LRRK1: variants seen among roughly 807,000 people sequenced by gnomAD.
LRRK1 encodes the protein leucine rich repeat kinase 1, also known as leucine-rich repeat serine/threonine-protein kinase 1.
LRRK1 carries 113 observed loss-of-function variants against 209.1 expected under a neutral mutation model. That is an observed-to-expected ratio of 0.54 (90% CI 0.46 to 0.63). The LOEUF (loss-of-function observed/expected upper bound fraction) is 0.63. Ranked by LOEUF, LRRK1 falls within the 30% of genes least tolerant of loss-of-function variation. The pLI is 0.00. For missense variants in LRRK1, 2,284 were observed against 2,632.2 expected, an observed-to-expected ratio of 0.87 and a Z score of 2.89; for synonymous variants, 1,144 against 1,099.7, an observed-to-expected ratio of 1.04 and a Z score of -0.80.
intron 6 of LRRK1, among the ~76,000 whole-genome samples, chr15:101,004,236 A>G (rs990598639): frequency 6.6e-6 from 1 of 152,188 alleles, no homozygotes; most frequent in African/African-American, 2.4e-5. Flanking sequence ...GGGAGAAGCT[A>G]TGAAAGAGGC....
Position 101,076,321 on chromosome 15 carries a change from CCGG to C in LRRK1, c.*7475_*7477del, listed in dbSNP as rs2036986817. 6.6e-6 allele frequency: 1 copy of C among 152,154 alleles called. No individual in the cohort carries two copies. 9.4% of individuals were successfully genotyped at this position (152,154 alleles called of 1,614,324 possible). A position where few individuals can be genotyped will look rare whatever the true frequency, so the allele number is the denominator to read the frequency against. ...ACCTGACATATATACTTTCTGCTCC[CCGG>C]CTCCTTCAGCTGTACTCACTCTTTA... On this transcript the variant is annotated 3_prime_UTR_variant, in exon 34 of 34. Coordinates refer to ENST00000388948, the MANE Select transcript of LRRK1 (RefSeq NM_024652.6).
chr15:100,926,372 G>A (rs1567182219), intron 2 of LRRK1, among the ~76,000 whole-genome samples: 1 of 152,140 alleles, frequency 6.6e-6, no homozygotes, highest in Non-Finnish European at 1.5e-5. Context: ...TCGCAGCCCT[G>A]AGGGACGAGG....
intron 12 of LRRK1, among the ~76,000 whole-genome samples, chr15:101,016,755 C>T (rs930206445): frequency 3.3e-5 from 5 of 152,178 alleles, no homozygotes; most frequent in Admixed American, 2.6e-4. Context: ...CCAGCAGCTA[C>T]GTGCTGTTAA....
At position 101,053,404 on chromosome 15, in the gene LRRK1, G is replaced by A. The variant is rs762265825; in HGVS notation, c.4038G>A (p.Leu1346=). 8.8e-6 allele frequency: 14 copies of A among 1,595,496 alleles called. No homozygotes were observed. The highest frequency in any genetic ancestry group is 1.0e-5 in the Non-Finnish European group (12 of 1,177,404). Reference sequence around the variant, plus strand: ...CGCTCAGCAGCCTCAACACCGTGCTGTCCGAGAACGCCAGAGGTACCGCGG... The same window carrying A: ...CGCTCAGCAGCCTCAACACCGTGCTATCCGAGAACGCCAGAGGTACCGCGG... ...LAPLSSLNTV[L]SENARDSSFI... The change falls in exon 26 of 34, where the codon CTG becomes CTA. Residue 1346 remains leucine (L), a synonymous_variant. Coordinates refer to ENST00000388948, the MANE Select transcript of LRRK1 (RefSeq NM_024652.6).
intron 9 of LRRK1, 41 bp downstream of exon 9, chr15:101,010,878 C>A: frequency 6.3e-7 from 1 of 1,582,638 alleles, no homozygotes; most frequent in South Asian, 1.1e-5. Context: ...ACAGTCAACT[C>A]TGCCTCTCAG....
At chr15:101,013,306 G>A (rs967061907) in intron 10 of LRRK1, among the ~76,000 whole-genome samples, 2 of 152,226 alleles carry the variant, frequency 1.3e-5, no homozygotes, top group Non-Finnish European at 2.9e-5. Flanking sequence ...GCACCAGGAG[G>A]AGAGAATTTA....
intron 23 of LRRK1, among the ~76,000 whole-genome samples, chr15:101,050,239 C>T (rs1038834220): frequency 6.6e-6 from 1 of 152,228 alleles, no homozygotes; most frequent in African/African-American, 2.4e-5. Context: ...CCTCCCCTGC[C>T]ACCCCACCCA....
At chr15:100,972,625 G>A (rs1045554545) in intron 2 of LRRK1, among the ~76,000 whole-genome samples, 4 of 152,078 alleles carry the variant, frequency 2.6e-5, no homozygotes, top group Admixed American at 6.6e-5. Flanking sequence ...TTTAGTAGTC[G>A]GACTTGTAGA....
At chr15:100,969,858 G>T (rs995831548) in intron 2 of LRRK1, among the ~76,000 whole-genome samples, 1 of 151,438 alleles carries the variant, frequency 6.6e-6, no homozygotes, top group African/African-American at 2.4e-5. Context: ...GTATTCTATG[G>T]TGTATATATG....
chr15:100,944,153 T>C (rs1191918577), intron 2 of LRRK1, among the ~76,000 whole-genome samples: 3 of 152,210 alleles, frequency 2.0e-5, no homozygotes, highest in Non-Finnish European at 4.4e-5. Flanking sequence ...ATGGAGCTTC[T>C]TGCTTTAATA....
At chr15:101,013,215 A>G (rs907312520) in intron 10 of LRRK1, among the ~76,000 whole-genome samples, 3 of 152,082 alleles carry the variant, frequency 2.0e-5, no homozygotes, top group Non-Finnish European at 4.4e-5. Context: ...TCTCCATAGA[A>G]TTTCAGCAGG....
At position 101,027,931 on chromosome 15, in the gene LRRK1, C is replaced by G; in HGVS notation, c.2686+134C>G. On this transcript the variant is annotated intron_variant, in intron 19 of 33. Transcript: ENST00000388948. This position sits in a 1 kb window ranked among gnomAD's most constrained non-coding sequence, Gnocchi z 5.1. ...GCGTTTCTGCCTTCCATCCCCCTCC[C>G]CTTCCTTCTTCCCTCTCACCCTTCT... 3.9e-6 allele frequency: 3 copies of G among 765,272 alleles called. No individual in the cohort carries two copies. Among genetic ancestry groups the G allele is most frequent in the Admixed American group, 3.0e-5 (1 of 33,182 alleles). 47.4% of individuals were successfully genotyped at this position (765,272 alleles called of 1,614,324 possible).
chr15:100,969,281 C>G (rs2030703675), intron 2 of LRRK1, among the ~76,000 whole-genome samples: 1 of 152,072 alleles, frequency 6.6e-6, no homozygotes, highest in Non-Finnish European at 1.5e-5. Flanking sequence ...TAAATGGGGT[C>G]TTTTGAGGGG....
At chr15:101,002,717 C>A (rs934429425) in intron 6 of LRRK1, among the ~76,000 whole-genome samples, 1 of 151,864 alleles carries the variant, frequency 6.6e-6, no homozygotes. Flanking sequence ...ATGTCAAGTG[C>A]ATGAACATCT....
At chr15:100,951,451 A>G (rs990737054) in intron 2 of LRRK1, among the ~76,000 whole-genome samples, 2 of 152,204 alleles carry the variant, frequency 1.3e-5, no homozygotes, top group African/African-American at 2.4e-5. Context: ...TATATACACA[A>G]GAGAACTGAG....
intron 2 of LRRK1, among the ~76,000 whole-genome samples, chr15:100,969,153 T>C (rs375849861): frequency 7.9e-5 from 12 of 152,320 alleles, no homozygotes; most frequent in African/African-American, 2.9e-4. Flanking sequence ...TCATTTTCAA[T>C]TGGATTGTTT....
At chr15:100,928,737 C>A (rs972890987) in intron 2 of LRRK1, among the ~76,000 whole-genome samples, 2 of 152,128 alleles carry the variant, frequency 1.3e-5, no homozygotes, top group African/African-American at 4.8e-5. Context: ...CACCCCCTAC[C>A]TGTTGTGACT....
chr15:101,010,776 A>G lies in LRRK1; in HGVS notation c.1220A>G (p.Asn407Ser), dbSNP rs760495714. The G allele has an allele frequency of 1.2e-5, 19 of 1,613,708 alleles. No individual in the cohort carries two copies. The highest frequency in any genetic ancestry group is 1.6e-5 in the Non-Finnish European group (19 of 1,179,966). ...ALFLHSFKSL[N>S]SLNVSRNNLK... ...TTCCTTCACTCTTTCAAGTCCCTCA[A>G]TTCTCTGAATGTCTCCAGAAACAAC... The change falls in exon 9 of 34, where the codon AAT becomes AGT. Residue 407 changes from asparagine (N) to serine (S), a missense_variant. Physicochemically the swap from Asn to Ser is conservative, Grantham distance 46. Around this residue, in one of 6 missense-constraint regions of LRRK1, gnomAD observed 494 missense variants for 522.1 expected, o/e 0.95. Coordinates refer to ENST00000388948, the MANE Select transcript of LRRK1 (RefSeq NM_024652.6).
chr15:101,072,699 C>G lies in LRRK1; in HGVS notation c.*3851C>G, dbSNP rs2036846626. 1 of 152,292 alleles carries G rather than the reference C, an allele frequency of 6.6e-6. No individual in the cohort carries two copies. The highest frequency in any genetic ancestry group is 6.5e-5 in the Admixed American group (1 of 15,284). 9.4% of individuals were successfully genotyped at this position (152,292 alleles called of 1,614,324 possible). ...ATGAAATTCCTTCTCCTGGCTCATCCTGGCTCAAAAAGCTCCCCCACTGAG... is the reference window on the plus strand; with the variant it reads ...ATGAAATTCCTTCTCCTGGCTCATCGTGGCTCAAAAAGCTCCCCCACTGAG... On this transcript the variant is annotated 3_prime_UTR_variant, in exon 34 of 34. Transcript: ENST00000388948.
Sources: allele counts gnomAD v4.1 joint callset (sites outside exome capture counted in the v4.1 genomes callset), GRCh38; gene constraint gnomAD v4.1.1; regional missense constraint gnomAD v4.1.1; non-coding constraint Gnocchi (gnomAD v3.1); transcripts MANE v1.5; gene names NCBI Gene and HGNC (gene_info 2026-07-23, HGNC 2026-07-21).